The following CNTNAP2 variants were observed in gnomAD, a reference collection of about 807,000 sequenced individuals.
CNTNAP2 encodes the protein contactin-associated protein-like 2.
A neutral mutation model predicts 155.2 loss-of-function variants in CNTNAP2; 98 were observed. That is an observed-to-expected ratio of 0.63 (90% CI 0.54 to 0.75). The LOEUF (loss-of-function observed/expected upper bound fraction) is 0.75, where lower values mean the gene tolerates loss of function less well. Among genes scored for constraint, CNTNAP2 ranks in the 30% least tolerant of loss-of-function variants. The pLI, the probability that CNTNAP2 is intolerant of heterozygous loss-of-function variation, is 0.00. For synonymous variants in CNTNAP2, 651 were observed against 631.2 expected, an observed-to-expected ratio of 1.03 and a Z score of -0.47; for missense variants, 1,727 against 1,688.1, an observed-to-expected ratio of 1.02 and a Z score of -0.40.
chr7:147,504,112 T>C (rs1459668838), intron 11 of CNTNAP2, among the ~76,000 whole-genome samples: 1 of 152,170 alleles, frequency 6.6e-6, no homozygotes, highest in Non-Finnish European at 1.5e-5. Context: ...TTTCCAACTC[T>C]CAGAGCACCA....
intron 1 of CNTNAP2, among the ~76,000 whole-genome samples, chr7:146,436,929 A>G (rs1323656697): frequency 6.6e-6 from 1 of 151,562 alleles, no homozygotes; most frequent in Middle Eastern, 3.2e-3. Context: ...TTGTAGAAAT[A>G]TTAGAAAGAC....
At chr7:147,777,798 T>C (rs1366293123) in intron 13 of CNTNAP2, among the ~76,000 whole-genome samples, 2 of 152,250 alleles carry the variant, frequency 1.3e-5, no homozygotes, top group African/African-American at 2.4e-5. Flanking sequence ...CTTTTTCTCA[T>C]AGCTATAATT....
At chr7:147,602,110 G>A (rs997932673) in intron 12 of CNTNAP2, among the ~76,000 whole-genome samples, 1 of 152,030 alleles carries the variant, frequency 6.6e-6, no homozygotes, top group Non-Finnish European at 1.5e-5. Flanking sequence ...AGCAGCCATG[G>A]ATGACCATTA....
intron 9 of CNTNAP2, among the ~76,000 whole-genome samples, chr7:147,383,839 G>T (rs1258129288): frequency 6.6e-6 from 1 of 151,886 alleles, no homozygotes; most frequent in African/African-American, 2.4e-5. Context: ...ACTAGAAAAA[G>T]AAAATACCAT....
intron 6 of CNTNAP2, among the ~76,000 whole-genome samples, chr7:147,123,793 C>T (rs1801168816): frequency 6.6e-6 from 1 of 152,206 alleles, no homozygotes; most frequent in Non-Finnish European, 1.5e-5. Context: ...GTAATCCTAG[C>T]ACTTTGGGAG....
intron 4 of CNTNAP2, among the ~76,000 whole-genome samples, chr7:147,074,051 T>C (rs557045382): frequency 6.6e-6 from 1 of 152,312 alleles, no homozygotes; most frequent in South Asian, 2.1e-4. Flanking sequence ...TTTCTTGGTA[T>C]ATGACAGTTC....
At chr7:146,661,423 G>A (rs1800085796) in intron 1 of CNTNAP2, among the ~76,000 whole-genome samples, 4 of 152,004 alleles carry the variant, frequency 2.6e-5, no homozygotes, top group Admixed American at 2.6e-4. Flanking sequence ...ATGCTCCGAT[G>A]TAATCAATAT....
chr7:148,385,490 C>T (rs1406353439), intron 22 of CNTNAP2, among the ~76,000 whole-genome samples: 2 of 152,274 alleles, frequency 1.3e-5, no homozygotes, highest in East Asian at 3.9e-4. Flanking sequence ...CGTGAATGAT[C>T]TTTGCAAGGC....
intron 1 of CNTNAP2, among the ~76,000 whole-genome samples, chr7:146,255,999 A>G (rs1056635639): frequency 6.6e-6 from 1 of 152,226 alleles, no homozygotes; most frequent in Non-Finnish European, 1.5e-5. Context: ...TATTAATAGC[A>G]TCAGTCATGG....
At chr7:148,291,725 G>A (rs574492924) in intron 21 of CNTNAP2, among the ~76,000 whole-genome samples, 42 of 152,194 alleles carry the variant, frequency 2.8e-4, no homozygotes, top group South Asian at 6.2e-4. Flanking sequence ...GAGGTAATGC[G>A]TATGTTAAAT....
At position 148,346,493 on chromosome 7, in the gene CNTNAP2, C is replaced by T. The variant is rs1339869007; in HGVS notation, c.3476-37156C>T. Among the ~76,000 whole-genome samples the T allele has an allele frequency of 3.9e-5, 6 of 152,108 alleles. No homozygotes were observed. The South Asian group carries it at 6.2e-4, about 16-fold the overall frequency. ...TTGCCATTGAAAGTAATGCTTAGGC[C>T]GGGTGCGGTGGCTCATGCCTTTAAT... On this transcript the variant is annotated intron_variant, in intron 21 of 23. Transcript: ENST00000361727.
chr7:147,395,340 T>C (rs1280329862), intron 9 of CNTNAP2, among the ~76,000 whole-genome samples: 1 of 152,010 alleles, frequency 6.6e-6, no homozygotes, highest in Non-Finnish European at 1.5e-5. Flanking sequence ...GTGAGAAAGA[T>C]GATGTCAAAA....
intron 11 of CNTNAP2, among the ~76,000 whole-genome samples, chr7:147,561,906 T>A (rs1420743000): frequency 1.3e-5 from 2 of 152,208 alleles, no homozygotes; most frequent in African/African-American, 2.4e-5. Flanking sequence ...ATTATTTTAG[T>A]CTTTTCCCCA....
chr7:147,854,442 T>A (rs1404309731), intron 13 of CNTNAP2, among the ~76,000 whole-genome samples: 1 of 152,146 alleles, frequency 6.6e-6, no homozygotes, highest in Non-Finnish European at 1.5e-5. Flanking sequence ...GCTCAGACTG[T>A]GTTTCTCTTG....
At chr7:148,259,090 T>C (rs1315940537) in intron 20 of CNTNAP2, among the ~76,000 whole-genome samples, 2 of 144,136 alleles carry the variant, frequency 1.4e-5, no homozygotes, top group Admixed American at 1.5e-4. Flanking sequence ...GCAGAACTGC[T>C]TGAACCAGAA....
chr7:147,731,930 G>A (rs1796746573), intron 13 of CNTNAP2, among the ~76,000 whole-genome samples: 1 of 152,102 alleles, frequency 6.6e-6, no homozygotes, highest in Non-Finnish European at 1.5e-5. Context: ...AACAGGAGAA[G>A]TAGAATTAAA....
At chr7:146,410,562 G>A (rs1479817162) in intron 1 of CNTNAP2, among the ~76,000 whole-genome samples, 1 of 152,054 alleles carries the variant, frequency 6.6e-6, no homozygotes, top group Non-Finnish European at 1.5e-5. Flanking sequence ...GTAAACTTGT[G>A]TCATGGGAGT....
intron 8 of CNTNAP2, among the ~76,000 whole-genome samples, chr7:147,275,013 T>C (rs968269028): frequency 1.3e-5 from 2 of 152,152 alleles, no homozygotes; most frequent in African/African-American, 4.8e-5. Context: ...GTTCTATTGA[T>C]CTGTGTGTCT....
intron 2 of CNTNAP2, among the ~76,000 whole-genome samples, chr7:146,820,597 A>G (rs377505061): frequency 0.035 from 5,278 of 152,056 alleles, 306 homozygotes; most frequent in African/African-American, 0.12. Context: ...TATGTGGTCA[A>G]TTTTGGAGTA....
Sources: gnomAD v4.1 joint callset for allele counts (sites outside exome capture counted in the v4.1 genomes callset) on GRCh38, gnomAD v4.1.1 for gene constraint, MANE v1.5 for transcripts, NCBI Gene and HGNC (gene_info 2026-07-23, HGNC 2026-07-21) for gene names.